The following KCNT2 variants were observed in gnomAD, a reference collection of about 807,000 sequenced individuals.
KCNT2 encodes the protein potassium sodium-activated channel subfamily T member 2.
Under a neutral mutation model 153.8 loss-of-function variants are expected in KCNT2, and 67 were observed. The observed-to-expected ratio is 0.44, with a 90% confidence interval of 0.36 to 0.53. The LOEUF (loss-of-function observed/expected upper bound fraction) is 0.53. Among genes scored for constraint, KCNT2 ranks in the 20% least tolerant of loss-of-function variants. KCNT2 has a pLI of 0.00. For missense variants in KCNT2, 975 were observed against 1,354.8 expected, an observed-to-expected ratio of 0.72 and a Z score of 4.40; for synonymous variants, 500 against 458.8, an observed-to-expected ratio of 1.09 and a Z score of -1.15.
At chr1:196,329,950 C>CACATATATATATATAT (rs1316608192) in intron 18 of KCNT2, among the ~76,000 whole-genome samples, 1 of 73,540 alleles carries the variant, frequency 1.4e-5, no homozygotes, top group African/African-American at 6.7e-5. Context: ...TTCCTCAAGA[C>CACATATATATATATAT]ATATATATAT....
chr1:196,544,885 AT>A (rs1371937976), intron 1 of KCNT2, among the ~76,000 whole-genome samples: 16 of 152,094 alleles, frequency 1.1e-4, no homozygotes, highest in African/African-American at 3.9e-4. Flanking sequence ...AAGCAATGTG[AT>A]TTTACTCAGG....
At chr1:196,376,576 T>C (rs1668986532) in intron 13 of KCNT2, among the ~76,000 whole-genome samples, 1 of 151,938 alleles carries the variant, frequency 6.6e-6, no homozygotes. Context: ...CAAACTCTGA[T>C]GTTCTTTCCT....
At chr1:196,450,671 C>T (rs1240400556) in intron 8 of KCNT2, among the ~76,000 whole-genome samples, 1 of 151,798 alleles carries the variant, frequency 6.6e-6, no homozygotes, top group African/African-American at 2.4e-5. Flanking sequence ...TTCCTTGCTA[C>T]CATTCTAGGT....
intron 22 of KCNT2, among the ~76,000 whole-genome samples, chr1:196,304,092 A>C (rs1449052085): frequency 6.6e-6 from 1 of 152,080 alleles, no homozygotes; most frequent in Non-Finnish European, 1.5e-5. Context: ...CCACATCTGG[A>C]AGCAGGGCAC....
chr1:196,557,210 T>A (rs1658794191), intron 1 of KCNT2, among the ~76,000 whole-genome samples: 1 of 151,288 alleles, frequency 6.6e-6, no homozygotes, highest in Non-Finnish European at 1.5e-5. Context: ...GATGTGATTA[T>A]TATGCATCAT....
At chr1:196,585,383 G>A (rs1446779487) in intron 1 of KCNT2, among the ~76,000 whole-genome samples, 2 of 151,982 alleles carry the variant, frequency 1.3e-5, no homozygotes, top group Non-Finnish European at 2.9e-5. Context: ...TGTGAAGAGA[G>A]GAAAAGAAAC....
rs892773845 is a variant in KCNT2 at position 196,573,933 on chromosome 1, C to A, written c.95+34282G>T. ...AATTAACTTATAATAGTGTCAGATA[C>A]TTAGTTTCTTGAAGGGGGAGAGAGA... On this transcript the variant is annotated intron_variant, in intron 1 of 27. Transcript: ENST00000294725. Among the ~76,000 whole-genome samples the A allele has an allele frequency of 2.0e-5, 3 of 151,338 alleles. No individual in the cohort carries two copies. The South Asian group carries it at 6.2e-4, about 32-fold the overall frequency.
intron 23 of KCNT2, among the ~76,000 whole-genome samples, chr1:196,284,722 C>A (rs1659498529): frequency 6.6e-6 from 1 of 152,054 alleles, no homozygotes; most frequent in African/African-American, 2.4e-5. Flanking sequence ...GGTATTTATT[C>A]TACTTTGTTG....
intron 1 of KCNT2, among the ~76,000 whole-genome samples, chr1:196,607,291 T>C (rs951677994): frequency 2.0e-5 from 3 of 152,222 alleles, no homozygotes; most frequent in Non-Finnish European, 4.4e-5. Context: ...CTAGTTAGTA[T>C]ACATGTATTA....
chr1:196,398,443 A>G, intron 13 of KCNT2, 120 bp downstream of exon 13: 1 of 553,806 alleles, frequency 1.8e-6, no homozygotes, highest in Non-Finnish European at 3.3e-6. Flanking sequence ...TTTAATAATC[A>G]TTTTCAGTTC....
intron 21 of KCNT2, among the ~76,000 whole-genome samples, chr1:196,307,718 T>C (rs925851423): frequency 9.9e-5 from 15 of 152,114 alleles, no homozygotes; most frequent in African/African-American, 3.1e-4. Flanking sequence ...TGATTTTCTT[T>C]TAGCAGCTCT....
At chr1:196,546,404 C>T (rs1365459330) in intron 1 of KCNT2, among the ~76,000 whole-genome samples, 1 of 152,020 alleles carries the variant, frequency 6.6e-6, no homozygotes, top group South Asian at 2.1e-4. Flanking sequence ...CTCTTCTTAT[C>T]TTTGCAGCAT....
At chr1:196,554,054 G>A (rs1658315934) in intron 1 of KCNT2, among the ~76,000 whole-genome samples, 1 of 150,878 alleles carries the variant, frequency 6.6e-6, no homozygotes, top group East Asian at 1.9e-4. Flanking sequence ...TGCAATGAAT[G>A]TGAAACTCTT....
intron 3 of KCNT2, among the ~76,000 whole-genome samples, chr1:196,483,147 G>T (rs376411310): frequency 6.6e-6 from 1 of 152,000 alleles, no homozygotes; most frequent in Admixed American, 6.6e-5. Flanking sequence ...GTAGTTTTTC[G>T]CATTTAAGTA....
At chr1:196,585,281 G>C (rs992731559) in intron 1 of KCNT2, among the ~76,000 whole-genome samples, 1 of 152,078 alleles carries the variant, frequency 6.6e-6, no homozygotes, top group Non-Finnish European at 1.5e-5. Context: ...ATGCAATCCT[G>C]TTCTGTGTCA....
At chr1:196,273,465 T>C in intron 25 of KCNT2, 1 of 1,528,554 alleles carries the variant, frequency 6.5e-7, no homozygotes, top group South Asian at 1.2e-5. Context: ...AGAAAATACT[T>C]ACTTGTGATG....
chr1:196,398,754 TGGTC>T, intron 12 of KCNT2, 83 bp from the exon 13 acceptor site: 1 of 707,370 alleles, frequency 1.4e-6, no homozygotes, highest in Non-Finnish European at 2.4e-6. Flanking sequence ...TCAGTTTGCT[TGGTC>T]ACATCCATAG....
intron 8 of KCNT2, among the ~76,000 whole-genome samples, chr1:196,446,292 C>T (rs953509104): frequency 5.9e-5 from 9 of 151,372 alleles, no homozygotes; most frequent in African/African-American, 2.2e-4. Context: ...CTCCATGAGA[C>T]GCATTCAACT....
intron 1 of KCNT2, among the ~76,000 whole-genome samples, chr1:196,551,634 G>T (rs1657917681): frequency 6.6e-6 from 1 of 151,588 alleles, no homozygotes; most frequent in Admixed American, 6.6e-5. Context: ...ACTTGCAGTG[G>T]GGGGTCAGTG....
Sources: gnomAD v4.1 joint callset for allele counts (sites outside exome capture counted in the v4.1 genomes callset) on GRCh38, gnomAD v4.1.1 for gene constraint, MANE v1.5 for transcripts, NCBI Gene and HGNC (gene_info 2026-07-23, HGNC 2026-07-21) for gene names.